WNT11: variants seen among roughly 807,000 people sequenced by gnomAD.
WNT11 encodes the protein protein Wnt-11.
Under a neutral mutation model 35.6 loss-of-function variants are expected in WNT11, and 20 were observed. The observed-to-expected ratio is 0.56, with a 90% confidence interval of 0.40 to 0.82. WNT11 has a LOEUF of 0.82. WNT11 is among the 40% of genes least tolerant of loss of function. WNT11 has a pLI of 0.00. For synonymous variants in WNT11, 200 were observed against 211.9 expected (o/e 0.94, Z 0.49); for missense variants, 459 against 504.4 (o/e 0.91, Z 0.86).
rs998142006 is a variant in WNT11 at position 76,186,472 on chromosome 11, T to TTA, written c.*591_*592dup. On this transcript the variant is annotated 3_prime_UTR_variant, in exon 5 of 5. Coordinates refer to ENST00000322563, the MANE Select transcript of WNT11 (RefSeq NM_004626.3). Reference sequence around the variant, plus strand: ...AAAGCTAGTTTTAAAATAGAGATCATTATATATATACATATATATTTATAT... The same window carrying TTA: ...AAAGCTAGTTTTAAAATAGAGATCATTATATATATATACATATATATTTATAT... 8.0e-5 allele frequency: 12 copies of TTA among 149,296 alleles called. No homozygotes were observed. Among genetic ancestry groups the TTA allele is most frequent in the South Asian group, 2.1e-4 (1 of 4,768 alleles). The allele number at this position is 149,296 out of a possible 1,614,324, so 9.2% of individuals were successfully genotyped here.
intron 1 of WNT11, among the ~76,000 whole-genome samples, chr11:76,201,171 C>T (rs374194969): frequency 2.0e-5 from 3 of 152,232 alleles, no homozygotes; most frequent in East Asian, 3.9e-4. Context: ...TCAGACTCCC[C>T]AGGCGGCCCA....
rs555329169 is a variant in WNT11 at position 76,196,773 on chromosome 11, G to A, written c.84-55C>T. On this transcript the variant is annotated intron_variant, in intron 1 of 4. Transcript: ENST00000322563. ...GGAAGGAGAGACAGGGTTGTCAGGG[G>A]CCACATGGCCTCCACCCGCCCTTCT... The A allele has an allele frequency of 5.8e-5, 87 of 1,512,596 alleles. No homozygotes were observed. The East Asian group carries it at 2.1e-3, about 36-fold the overall frequency. The allele number at this position is 1,512,596 out of a possible 1,614,324, so 93.7% of individuals were successfully genotyped here.
intron 2 of WNT11, among the ~76,000 whole-genome samples, chr11:76,195,621 T>C (rs1008136405): frequency 2.0e-5 from 3 of 152,196 alleles, no homozygotes; most frequent in Non-Finnish European, 4.4e-5. Context: ...AGCAGCCAGT[T>C]GTGGCCCATT....
chr11:76,190,454 G>C (rs1004164216), intron 4 of WNT11, among the ~76,000 whole-genome samples: 1 of 151,880 alleles, frequency 6.6e-6, no homozygotes, highest in African/African-American at 2.4e-5. Context: ...TGGGAGCCTG[G>C]GCCTCCTCAC....
chr11:76,210,642 G>T, upstream of WNT11: 1 of 985,240 alleles, frequency 1.0e-6, no homozygotes, highest in Non-Finnish European at 1.2e-6. Flanking sequence ...GGCAAGCTGC[G>T]GCCGGCTCAG....
chr11:76,199,471 A>G (rs1256617423), intron 1 of WNT11, among the ~76,000 whole-genome samples: 1 of 148,610 alleles, frequency 6.7e-6, no homozygotes, highest in Non-Finnish European at 1.5e-5. Context: ...AACCTTGTCT[A>G]CTTAAAAAAA....
In WNT11 at chr11:76,194,586, T is replaced by C; in HGVS notation, c.578A>G (p.Asn193Ser). ...GGTTACCTGTCTCCCCACTTCACTGTTGTGTAGACGCATCAGTTTATTGGC... is the reference window on the plus strand; with the variant it reads ...GGTTACCTGTCTCCCCACTTCACTGCTGTGTAGACGCATCAGTTTATTGGC... ...SQANKLMRLH[N>S]SEVGRQALRA... The change falls in exon 3 of 5, where the codon AAC becomes AGC. Residue 193 changes from asparagine to serine, a missense_variant. Physicochemically the swap from Asn to Ser is conservative, Grantham distance 46. Coordinates refer to ENST00000322563, the MANE Select transcript of WNT11 (RefSeq NM_004626.3). The surrounding 1 kb of genome is among the most constrained non-coding windows in gnomAD (Gnocchi z 5.4). The C allele has an allele frequency of 6.5e-7, 1 of 1,549,788 alleles. No individual in the cohort carries two copies. Among genetic ancestry groups the C allele is most frequent in the Non-Finnish European group, 8.7e-7 (1 of 1,146,628 alleles).
In WNT11 at chr11:76,206,208, G is replaced by A. The variant is rs886366952; in HGVS notation, c.83+117C>T. ...GCTGAGGGATGACTTGCCCACGACCGCCAAGCCAGCTTAGGCTCCCGGGTC... is the reference window on the plus strand; with the variant it reads ...GCTGAGGGATGACTTGCCCACGACCACCAAGCCAGCTTAGGCTCCCGGGTC... On this transcript the variant is annotated intron_variant, in intron 1 of 4. Coordinates refer to ENST00000322563, the MANE Select transcript of WNT11 (RefSeq NM_004626.3). The A allele has an allele frequency of 2.9e-5, 28 of 972,982 alleles. No homozygotes were observed. In the Admixed American group the frequency reaches 7.6e-4, roughly 26 times the overall value. The allele number at this position is 972,982 out of a possible 1,614,324, so 60.3% of individuals were successfully genotyped here.
chr11:76,206,323 A>G lies in WNT11; in HGVS notation c.83+2T>C. ...GCGCGTGGACGCGGGGTCCCTACTC[A>G]CAGCCACTTGATGCCATAGCACACG... On this transcript the variant is annotated splice_donor_variant, in intron 1 of 4. Transcript: ENST00000322563. LOFTEE classifies it high-confidence loss of function. 6.4e-7 allele frequency: 1 copy of G among 1,558,612 alleles called. No homozygotes were observed. The highest frequency in any genetic ancestry group is 8.7e-7 in the Non-Finnish European group (1 of 1,155,424).
chr11:76,188,437 C>T (rs10899175), intron 4 of WNT11, among the ~76,000 whole-genome samples: 28,115 of 152,262 alleles, frequency 0.18, 2,825 homozygotes, highest in East Asian at 0.33. Context: ...ATGCAAACAT[C>T]CTTCCACTGC....
chr11:76,188,142 G>C (rs1459646208), intron 4 of WNT11, among the ~76,000 whole-genome samples: 1 of 152,266 alleles, frequency 6.6e-6, no homozygotes, highest in African/African-American at 2.4e-5. Flanking sequence ...CAGACACGCT[G>C]CTCGTGGAGG....
At position 76,191,676 on chromosome 11, in the gene WNT11, G is replaced by T. The variant is rs762207237; in HGVS notation, c.778C>A (p.Pro260Thr). Residue 260 changes from proline to threonine, a missense_variant, in exon 4 of 5, where the codon CCC (proline) becomes ACC (threonine). Coordinates refer to ENST00000322563, the MANE Select transcript of WNT11 (RefSeq NM_004626.3). Reference protein sequence around the residue: ...RPMGTRKHLVPKDLDIRPVKD... With the variant: ...RPMGTRKHLVTKDLDIRPVKD... ...ACAGGCCGGATATCCAGGTCCTTGG[G>T]CACCAGGTGCTTGCGGGTGCCCATG... 6.2e-7 allele frequency: 1 copy of T among 1,614,040 alleles called. No individual in the cohort carries two copies. The highest frequency in any genetic ancestry group is 8.5e-7 in the Non-Finnish European group (1 of 1,180,038).
At chr11:76,187,303 A>AATT in intron 4 of WNT11, 64 bp from the exon 5 acceptor site, 2 of 1,459,282 alleles carry the variant, frequency 1.4e-6, no homozygotes, top group South Asian at 1.4e-5. Flanking sequence ...ACACCCCATG[A>AATT]CTCCCAGCCA....
Position 76,194,671 on chromosome 11 carries a change from G to A in WNT11, c.493C>T (p.Leu165Phe), listed in dbSNP as rs1367490876. The change falls in exon 3 of 5, where the codon CTC (leucine) becomes TTC (phenylalanine). Residue 165 changes from leucine (L) to phenylalanine (F), a missense_variant. Transcript: ENST00000322563. This position sits in a 1 kb window ranked among gnomAD's most constrained non-coding sequence, Gnocchi z 5.4. ...TCGGAAAACTTGGCCCCCATGAGGA[G>A]CCCGTAGCTGAGGTTGTCCGCACAT... ...GGCADNLSYG[L>F]LMGAKFSDAP... The A allele has an allele frequency of 1.3e-6, 2 of 1,550,706 alleles. No homozygotes were observed. The highest frequency in any genetic ancestry group is 3.9e-5 in the Admixed American group (2 of 51,004).
intron 4 of WNT11, among the ~76,000 whole-genome samples, chr11:76,190,213 G>C (rs1327262049): frequency 6.6e-6 from 1 of 152,102 alleles, no homozygotes; most frequent in African/African-American, 2.4e-5. Context: ...AAGTCCCCCT[G>C]TTGGGAAGCT....
At chr11:76,207,104 G>C (rs1953487133), upstream of WNT11, 3 of 152,332 alleles carry the variant, frequency 2.0e-5, no homozygotes, top group South Asian at 6.2e-4. Context: ...GCTCACGCCT[G>C]TAATCCCAGC....
intron 2 of WNT11, among the ~76,000 whole-genome samples, chr11:76,195,589 C>T (rs1241923912): frequency 6.6e-6 from 1 of 152,194 alleles, no homozygotes; most frequent in African/African-American, 2.4e-5. Flanking sequence ...AACTTTGAGA[C>T]AATACACATC....
chr11:76,189,699 C>G (rs540349820), intron 4 of WNT11, among the ~76,000 whole-genome samples: 15 of 152,208 alleles, frequency 9.9e-5, no homozygotes, highest in Non-Finnish European at 1.9e-4. Flanking sequence ...CAGGGACCCT[C>G]TGGGCTCCCT....
At chr11:76,199,769 GA>G (rs1565195324) in intron 1 of WNT11, among the ~76,000 whole-genome samples, 1 of 152,150 alleles carries the variant, frequency 6.6e-6, no homozygotes, top group Non-Finnish European at 1.5e-5. Context: ...CCAGCCTGGC[GA>G]TAGAGTGAGG....
Sources: gnomAD v4.1 joint callset for allele counts (sites outside exome capture counted in the v4.1 genomes callset) on GRCh38, gnomAD v4.1.1 for gene constraint, Gnocchi (gnomAD v3.1) non-coding constraint, MANE v1.5 for transcripts, NCBI Gene and HGNC (gene_info 2026-07-23, HGNC 2026-07-21) for gene names.